The following ACACA variants were observed in gnomAD, a reference collection of about 807,000 sequenced individuals.
ACACA encodes the protein acetyl-CoA carboxylase alpha.
A neutral mutation model predicts 296.1 loss-of-function variants in ACACA; 103 were observed. The observed-to-expected ratio is 0.35, with a 90% CI of 0.30 to 0.41. The LOEUF (loss-of-function observed/expected upper bound fraction) is 0.41, where lower values mean the gene tolerates loss of function less well. Among genes scored for constraint, ACACA ranks in the 10% least tolerant of loss-of-function variants. The probability of loss-of-function intolerance (pLI) is 1.00; values close to 1 mark genes in which losing one functional copy is unlikely to be tolerated. For synonymous variants in ACACA, 953 were observed against 1,038.6 expected (o/e 0.92, Z 1.58); for missense variants, 1,554 against 2,989.7 (o/e 0.52, Z 11.20).
At chr17:37,173,698 T>C (rs1361811473) in intron 41 of ACACA, among the ~76,000 whole-genome samples, 1 of 151,846 alleles carries the variant, frequency 6.6e-6, no homozygotes, top group Non-Finnish European at 1.5e-5. Flanking sequence ...TAATTAAATA[T>C]GGGTATTAGT....
intron 54 of ACACA, among the ~76,000 whole-genome samples, chr17:37,092,448 T>C (rs1396716002): frequency 3.9e-5 from 6 of 152,170 alleles, no homozygotes; most frequent in Non-Finnish European, 4.4e-5. Context: ...TAATTCTACA[T>C]CACAACAGTG....
intron 35 of ACACA, 132 bp from the exon 36 acceptor site, chr17:37,193,547 C>T: frequency 1.5e-6 from 1 of 673,140 alleles, no homozygotes; most frequent in Non-Finnish European, 2.6e-6. Context: ...TAAGCTTAGT[C>T]CAGGAAATAT....
chr17:37,131,139 G>C (rs181898866), intron 45 of ACACA, among the ~76,000 whole-genome samples: 60 of 151,986 alleles, frequency 3.9e-4, no homozygotes, highest in Non-Finnish European at 7.4e-4. Flanking sequence ...CCCTTCCCAG[G>C]CTCCAGGGAG....
intron 33 of ACACA, among the ~76,000 whole-genome samples, chr17:37,203,327 G>A (rs1052896727): frequency 6.6e-6 from 1 of 152,128 alleles, no homozygotes; most frequent in Middle Eastern, 3.2e-3. Context: ...AACAAGAAGT[G>A]TCAAGTTGTG....
rs543502171 is a variant in ACACA at position 37,097,518 on chromosome 17, G to A, written c.6720+312C>T. ...AGATCAATTATTAATTAGCTGCTGC[G>A]GGAGCCTTGACCCTATAGTAACCCA... On this transcript the variant is annotated intron_variant, in intron 53 of 55. Coordinates refer to ENST00000616317, the MANE Select transcript of ACACA (RefSeq NM_198834.3). The surrounding 1 kb of genome is among the most constrained non-coding windows in gnomAD (Gnocchi z 4.8). 7.2e-5 allele frequency among the ~76,000 whole-genome samples: 11 copies of A among 152,150 alleles called. No homozygotes were observed. Among genetic ancestry groups the A allele is most frequent in the Non-Finnish European group, 1.5e-4 (10 of 68,022 alleles).
chr17:37,395,005 C>T (rs2051030586), intron 1 of ACACA, among the ~76,000 whole-genome samples: 1 of 152,010 alleles, frequency 6.6e-6, no homozygotes, highest in South Asian at 2.1e-4. Context: ...ATCTCTCTTC[C>T]CAGAGATAAT....
At chr17:37,390,062 C>A (rs1183154993) in intron 1 of ACACA, among the ~76,000 whole-genome samples, 1 of 135,348 alleles carries the variant, frequency 7.4e-6, no homozygotes, top group African/African-American at 2.8e-5. Flanking sequence ...GAGGCAGAGG[C>A]AGGAGACTTG....
At chr17:37,099,954 A>C (rs974428926) in intron 52 of ACACA, among the ~76,000 whole-genome samples, 4 of 152,198 alleles carry the variant, frequency 2.6e-5, no homozygotes, top group African/African-American at 4.8e-5. Flanking sequence ...ATGTGTTCCC[A>C]CTGCCCAATT....
chr17:37,338,487 T>C (rs976139640), intron 2 of ACACA, among the ~76,000 whole-genome samples: 9 of 139,934 alleles, frequency 6.4e-5, no homozygotes, highest in Non-Finnish European at 9.3e-5. Context: ...TGAAACCCCA[T>C]CTCTACTAAA....
At chr17:37,167,696 C>CA (rs540610206) in intron 41 of ACACA, among the ~76,000 whole-genome samples, 6,149 of 75,490 alleles carry the variant, frequency 0.081, 223 homozygotes, top group African/African-American at 0.15. Flanking sequence ...CAAAAACTGG[C>CA]AAAAAAAAAA....
At chr17:37,104,944 G>GAAAAA (rs66518229) in intron 52 of ACACA, among the ~76,000 whole-genome samples, 7 of 56,634 alleles carry the variant, frequency 1.2e-4, no homozygotes, top group African/African-American at 2.8e-4. Context: ...GTCTCTGACC[G>GAAAAA]AAAAAAAAAA....
chr17:37,337,507 G>A (rs913228675), intron 2 of ACACA, among the ~76,000 whole-genome samples: 1 of 148,908 alleles, frequency 6.7e-6, no homozygotes, highest in Non-Finnish European at 1.5e-5. Context: ...AGGCTAGAGT[G>A]CAGTGGCACG....
chr17:37,328,838 C>G (rs963702958), intron 3 of ACACA: 9 of 398,286 alleles, frequency 2.3e-5, no homozygotes, highest in African/African-American at 1.6e-4. Context: ...CACCTGGATA[C>G]CTTAAAAAAA....
At position 37,188,402 on chromosome 17, in the gene ACACA, T is replaced by C; in HGVS notation, c.4651A>G (p.Lys1551Glu). The change falls in exon 39 of 56, where the codon AAA (lysine) becomes GAA (glutamate). Residue 1551 changes from lysine to glutamate, a missense_variant. Lys to Glu is a moderately conservative substitution (Grantham distance 56, BLOSUM62 1). Around this residue, in one of 16 missense-constraint regions of ACACA, gnomAD observed 35 missense variants for 131.8 expected, o/e 0.27. Coordinates refer to ENST00000616317, the MANE Select transcript of ACACA (RefSeq NM_198834.3). Reference protein sequence around the residue: ...WKLRVLQAELKINIRLTPTGK... With the variant: ...WKLRVLQAELEINIRLTPTGK... ...GTTGGCGTCAGGCGAATGTTGATTT[T>C]CAGTTCTGCCTGGAGGACGCGCAAT... 6.2e-7 allele frequency: 1 copy of C among 1,614,108 alleles called. No homozygotes were observed. The highest frequency in any genetic ancestry group is 8.5e-7 in the Non-Finnish European group (1 of 1,180,018).
chr17:37,273,928 G>C (rs71375436), intron 9 of ACACA, among the ~76,000 whole-genome samples: 2,004 of 152,276 alleles, frequency 0.013, 17 homozygotes, highest in Non-Finnish European at 0.022. Flanking sequence ...CCTAAGAAAT[G>C]TTCTGTCCAG....
chr17:37,266,055 C>T (rs949231466), intron 10 of ACACA, among the ~76,000 whole-genome samples: 1 of 152,180 alleles, frequency 6.6e-6, no homozygotes, highest in Admixed American at 6.5e-5. Flanking sequence ...GACACATCCA[C>T]AACTCATGTC....
At chr17:37,400,325 G>A (rs994800896) in intron 1 of ACACA, among the ~76,000 whole-genome samples, 1 of 152,038 alleles carries the variant, frequency 6.6e-6, no homozygotes, top group African/African-American at 2.4e-5. Context: ...TCACCATGTG[G>A]GCCAGGCTGG....
chr17:37,131,058 A>G (rs1040160662), intron 45 of ACACA, among the ~76,000 whole-genome samples: 1 of 151,914 alleles, frequency 6.6e-6, no homozygotes, highest in Admixed American at 6.6e-5. Flanking sequence ...TGAACCCCTG[A>G]GTCTCAAGTC....
At chr17:37,148,830 G>A (rs2075921364) in intron 45 of ACACA, among the ~76,000 whole-genome samples, 1 of 152,060 alleles carries the variant, frequency 6.6e-6, no homozygotes, top group Non-Finnish European at 1.5e-5. Context: ...GGCCTCCTGA[G>A]TAGCTGGGAA....
Sources: gnomAD v4.1 joint callset for allele counts (sites outside exome capture counted in the v4.1 genomes callset) on GRCh38, gnomAD v4.1.1 for gene constraint, gnomAD v4.1.1 regional missense constraint, Gnocchi (gnomAD v3.1) non-coding constraint, MANE v1.5 for transcripts, NCBI Gene and HGNC (gene_info 2026-07-23, HGNC 2026-07-21) for gene names.